RSU1: variants seen among roughly 807,000 people sequenced by gnomAD.
The protein encoded by RSU1 is rsu-1.
Under a neutral mutation model 31.1 loss-of-function variants are expected in RSU1, and 26 were observed. The ratio of observed to expected loss-of-function variants is 0.84; its 90% CI spans 0.61 to 1.16. RSU1 has a LOEUF of 1.16. RSU1 is among the 50% of genes most tolerant of loss of function. The pLI is 0.00. For synonymous variants in RSU1, 164 were observed against 136.3 expected (o/e 1.20, Z -1.41); for missense variants, 320 against 339.1 (o/e 0.94, Z 0.44).
intron 7 of RSU1, chr10:16,748,479 A>G (rs922137525): frequency 2.6e-5 from 4 of 152,232 alleles, no homozygotes; most frequent in African/African-American, 7.2e-5. Flanking sequence ...TCAAGACTAC[A>G]AAGTCCATAA....
chr10:16,750,422 T>A (rs1336070888), intron 7 of RSU1, among the ~76,000 whole-genome samples: 1 of 152,156 alleles, frequency 6.6e-6, no homozygotes. Flanking sequence ...AAAATATACA[T>A]GATTTGTTAA....
chr10:16,767,022 CAAA>C (rs111562696), intron 3 of RSU1, among the ~76,000 whole-genome samples: 5 of 101,800 alleles, frequency 4.9e-5, no homozygotes, highest in Non-Finnish European at 9.3e-5. Context: ...ACTCTATGTC[CAAA>C]AAAAAAAAAA....
At chr10:16,784,215 G>C (rs1263605205) in intron 2 of RSU1, among the ~76,000 whole-genome samples, 1 of 151,856 alleles carries the variant, frequency 6.6e-6, no homozygotes, top group African/African-American at 2.4e-5. Context: ...CCAAGCAACT[G>C]AGACCACAGG....
intron 7 of RSU1, among the ~76,000 whole-genome samples, chr10:16,749,484 G>A (rs926979239): frequency 2.0e-5 from 3 of 152,150 alleles, no homozygotes; most frequent in Non-Finnish European, 4.4e-5. Flanking sequence ...TATACAGCGA[G>A]AGATCATCAT....
chr10:16,765,798 T>C (rs1837301594), intron 3 of RSU1, among the ~76,000 whole-genome samples: 1 of 152,196 alleles, frequency 6.6e-6, no homozygotes, highest in African/African-American at 2.4e-5. Flanking sequence ...TCCCATCCCA[T>C]CTGCTTCCTC....
At chr10:16,639,594 C>T (rs1834404139) in intron 8 of RSU1, among the ~76,000 whole-genome samples, 1 of 152,152 alleles carries the variant, frequency 6.6e-6, no homozygotes, top group African/African-American at 2.4e-5. Context: ...ACTAATACAG[C>T]AAAAGGGATC....
rs1305026606 is a variant in RSU1 at position 16,806,081 on chromosome 10, G to A, written c.109+10892C>T. On this transcript the variant is annotated intron_variant, in intron 2 of 8. Transcript: ENST00000345264. ...ACTGTCATTATGCACTTATCGATAC[G>A]AATACTTCAATAAGGTTTTTTGGAA... is the stretch of plus-strand genomic sequence containing the variant. Among the ~76,000 whole-genome samples the A allele has an allele frequency of 5.3e-5, 8 of 152,170 alleles. 1 individual carries two copies. The South Asian group carries it at 1.0e-3, about 20-fold the overall frequency.
chr10:16,760,925 T>G (rs1837200638), intron 4 of RSU1, among the ~76,000 whole-genome samples: 1 of 152,158 alleles, frequency 6.6e-6, no homozygotes, highest in South Asian at 2.1e-4. Context: ...CAGTATAAAA[T>G]TGGAGCTCGT....
intron 8 of RSU1, among the ~76,000 whole-genome samples, chr10:16,641,656 A>G (rs11254121): frequency 0.31 from 47,501 of 152,046 alleles, 8,017 homozygotes; most frequent in African/African-American, 0.43. Flanking sequence ...CCAGATTTCC[A>G]TTGCCAACAA....
intron 7 of RSU1, among the ~76,000 whole-genome samples, chr10:16,743,075 A>G (rs1264226807): frequency 2.0e-5 from 3 of 152,266 alleles, no homozygotes; most frequent in Non-Finnish European, 4.4e-5. Context: ...CAAAAGAAAT[A>G]TTAATGCAGA....
intron 7 of RSU1, among the ~76,000 whole-genome samples, chr10:16,705,358 C>G (rs1407118162): frequency 6.6e-6 from 1 of 152,088 alleles, no homozygotes; most frequent in African/African-American, 2.4e-5. Context: ...TATACACATC[C>G]TCTGTATGTT....
At chr10:16,605,028 C>A (rs779803593) in intron 8 of RSU1, among the ~76,000 whole-genome samples, 1 of 152,200 alleles carries the variant, frequency 6.6e-6, no homozygotes, top group Admixed American at 6.5e-5. Flanking sequence ...GAGTGAGGGA[C>A]GGAGAGAGAC....
At chr10:16,784,349 C>T (rs1317727726) in intron 2 of RSU1, among the ~76,000 whole-genome samples, 2 of 152,132 alleles carry the variant, frequency 1.3e-5, no homozygotes, top group East Asian at 1.9e-4. Context: ...TTGATTCATT[C>T]ATCGGTATTA....
chr10:16,674,235 G>A (rs1013911560), intron 8 of RSU1, among the ~76,000 whole-genome samples: 4 of 152,022 alleles, frequency 2.6e-5, no homozygotes, highest in South Asian at 2.1e-4. Flanking sequence ...TAAAAAGAGC[G>A]ACTAGATTTG....
intron 4 of RSU1, among the ~76,000 whole-genome samples, chr10:16,762,514 GA>G (rs140981728): frequency 0.19 from 27,130 of 139,454 alleles, 2,589 homozygotes; most frequent in African/African-American, 0.25. Flanking sequence ...TTTGTAGGGA[GA>G]AAAAAAAAAA....
chr10:16,740,932 T>C (rs888617503), intron 7 of RSU1, among the ~76,000 whole-genome samples: 2 of 152,186 alleles, frequency 1.3e-5, no homozygotes, highest in African/African-American at 2.4e-5. Context: ...AAAACACAAG[T>C]TGGCTTCTTT....
At chr10:16,638,153 A>C (rs1474736464) in intron 8 of RSU1, among the ~76,000 whole-genome samples, 1 of 152,180 alleles carries the variant, frequency 6.6e-6, no homozygotes, top group African/African-American at 2.4e-5. Context: ...CTTGAAGTTA[A>C]GCTACTCTTC....
At chr10:16,608,482 C>T (rs943262896) in intron 8 of RSU1, among the ~76,000 whole-genome samples, 5 of 152,118 alleles carry the variant, frequency 3.3e-5, no homozygotes, top group Admixed American at 1.3e-4. Flanking sequence ...AGAAGCAGCT[C>T]GGAGAAGCTG....
At chr10:16,803,247 A>T (rs1294954199) in intron 2 of RSU1, among the ~76,000 whole-genome samples, 1 of 152,172 alleles carries the variant, frequency 6.6e-6, no homozygotes, top group African/African-American at 2.4e-5. Context: ...CATTAAAAAC[A>T]CACCATTTAC....
Sources: gnomAD v4.1 joint callset for allele counts (sites outside exome capture counted in the v4.1 genomes callset) on GRCh38, gnomAD v4.1.1 for gene constraint, MANE v1.5 for transcripts, NCBI Gene and HGNC (gene_info 2026-07-23, HGNC 2026-07-21) for gene names.